Variants in TENM2 observed in about 807,000 individuals in gnomAD.
TENM2 encodes teneurin transmembrane protein 2, also known as teneurin-2.
A neutral mutation model predicts 245.2 loss-of-function variants in TENM2; 52 were observed. That is an observed-to-expected ratio of 0.21 (90% CI 0.17 to 0.27). The LOEUF is 0.27. Ranked by LOEUF, TENM2 falls within the 10% of genes least tolerant of loss-of-function variation. The probability of loss-of-function intolerance (pLI) is 1.00; values close to 1 mark genes in which losing one functional copy is unlikely to be tolerated. For missense variants in TENM2, 3,046 were observed against 3,666.8 expected (o/e 0.83, Z 4.37); for synonymous variants, 1,363 against 1,438.9 (o/e 0.95, Z 1.19).
chr5:167,910,663 A>T (rs1237213370), intron 3 of TENM2, among the ~76,000 whole-genome samples: 1 of 152,192 alleles, frequency 6.6e-6, no homozygotes, highest in Non-Finnish European at 1.5e-5. Flanking sequence ...CCTTTATACT[A>T]CAGTTTTACT....
In TENM2 at chr5:167,917,361, G is replaced by T. The variant is rs73372726; in HGVS notation, c.713-35227G>T. On this transcript the variant is annotated intron_variant, in intron 3 of 28. Transcript: ENST00000518659. ...GGATGTGGTGCTGGAGTCTCGGGGG[G>T]TTGTAGGGATTGGGCGCTCTAAACC... 2.6e-5 allele frequency among the ~76,000 whole-genome samples: 4 copies of T among 152,240 alleles called. No individual in the cohort carries two copies. The East Asian group carries it at 7.7e-4, about 29-fold the overall frequency.
intron 7 of TENM2, among the ~76,000 whole-genome samples, chr5:168,087,005 C>G (rs1792514832): frequency 6.6e-6 from 1 of 152,220 alleles, no homozygotes. Context: ...CCCCCAGTCT[C>G]CCTATCCTGG....
the TENM2 span, among the ~76,000 whole-genome samples, chr5:167,264,187 A>G: frequency 2.6e-5 from 4 of 151,588 alleles, no homozygotes; most frequent in Non-Finnish European, 4.4e-5. Context: ...TGACTTTACT[A>G]AGGAATTCTT....
intron 1 of TENM2, among the ~76,000 whole-genome samples, chr5:167,360,963 T>A (rs1158446101): frequency 6.6e-6 from 1 of 152,178 alleles, no homozygotes; most frequent in African/African-American, 2.4e-5. Context: ...TTCCTGACAG[T>A]ATATCAGTCA....
chr5:167,253,476 A>T, the TENM2 span, among the ~76,000 whole-genome samples: 2 of 152,012 alleles, frequency 1.3e-5, no homozygotes, highest in Admixed American at 6.6e-5. Context: ...TGACCTCTCA[A>T]AGTTGTCATA....
At chr5:167,350,387 A>G (rs1229089523) in intron 1 of TENM2, among the ~76,000 whole-genome samples, 2 of 148,240 alleles carry the variant, frequency 1.3e-5, no homozygotes, top group East Asian at 4.0e-4. Context: ...GAAGTGATGG[A>G]ATTATGAAAA....
chr5:167,482,383 C>CT (rs1184944398), intron 2 of TENM2, among the ~76,000 whole-genome samples: 3 of 152,134 alleles, frequency 2.0e-5, no homozygotes, highest in African/African-American at 7.2e-5. Flanking sequence ...GTGCCATAAT[C>CT]TGAGTCTCCT....
At chr5:167,728,429 C>T (rs988058488) in intron 2 of TENM2, among the ~76,000 whole-genome samples, 2 of 151,846 alleles carry the variant, frequency 1.3e-5, no homozygotes, top group Non-Finnish European at 2.9e-5. Flanking sequence ...ATTGGGAGAC[C>T]TCGTCTCTAC....
chr5:167,285,058 G>A (rs998734915), exon 1 of TENM2: 2 of 1,551,432 alleles, frequency 1.3e-6, no homozygotes, highest in African/African-American at 2.7e-5. Context: ...GAGTTTCCTA[G>A]ACAAGGTTTG....
At chr5:167,855,342 C>A (rs1446952167) in intron 2 of TENM2, among the ~76,000 whole-genome samples, 2 of 152,068 alleles carry the variant, frequency 1.3e-5, no homozygotes, top group Admixed American at 6.6e-5. Context: ...CTCTACTCTG[C>A]CATTCCCTAC....
At chr5:167,282,656 C>T (rs1235333210), upstream of TENM2, among the ~76,000 whole-genome samples, 1 of 152,032 alleles carries the variant, frequency 6.6e-6, no homozygotes, top group Non-Finnish European at 1.5e-5. Context: ...TTCAAAAGAC[C>T]AGGAATAATT....
intron 2 of TENM2, among the ~76,000 whole-genome samples, chr5:167,734,076 T>C (rs939110188): frequency 1.3e-5 from 2 of 152,206 alleles, no homozygotes; most frequent in Non-Finnish European, 2.9e-5. Flanking sequence ...ATTTCCACTA[T>C]GTGCTGATGG....
intron 1 of TENM2, among the ~76,000 whole-genome samples, chr5:167,329,026 A>G (rs1240314368): frequency 6.6e-6 from 1 of 152,320 alleles, no homozygotes; most frequent in Non-Finnish European, 1.5e-5. Context: ...AGTTGGAGAA[A>G]GGAGTTAGTA....
chr5:168,102,958 C>T (rs1793939467), intron 9 of TENM2, among the ~76,000 whole-genome samples: 1 of 152,032 alleles, frequency 6.6e-6, no homozygotes, highest in South Asian at 2.1e-4. Context: ...TATACATGTG[C>T]CATGTTGGTG....
chr5:168,209,691 T>C (rs899039473), intron 19 of TENM2, among the ~76,000 whole-genome samples: 1 of 152,208 alleles, frequency 6.6e-6, no homozygotes, highest in Non-Finnish European at 1.5e-5. Flanking sequence ...ACATGAGGGA[T>C]TGGAGTTAGT....
intron 2 of TENM2, among the ~76,000 whole-genome samples, chr5:167,569,079 T>A (rs1372349642): frequency 3.4e-5 from 2 of 58,788 alleles, no homozygotes; most frequent in African/African-American, 8.5e-5. Flanking sequence ...TTCCTACAGC[T>A]TTTTTTTTTT....
intron 2 of TENM2, among the ~76,000 whole-genome samples, chr5:167,507,772 A>T (rs2127564819): frequency 6.6e-6 from 1 of 152,362 alleles, no homozygotes; most frequent in African/African-American, 2.4e-5. Flanking sequence ...TTGCCAATAA[A>T]TAACAATTAC....
chr5:167,067,717 A>G, the TENM2 span, among the ~76,000 whole-genome samples: 1 of 152,168 alleles, frequency 6.6e-6, no homozygotes. Flanking sequence ...TGCTCTGCTC[A>G]TTCATCTCTA....
At chr5:167,197,282 A>G in the TENM2 span, among the ~76,000 whole-genome samples, 1 of 152,082 alleles carries the variant, frequency 6.6e-6, no homozygotes, top group East Asian at 1.9e-4. Context: ...TATTTCTACA[A>G]CATGGCGTGC....
Sources: gnomAD v4.1 joint callset for allele counts (sites outside exome capture counted in the v4.1 genomes callset) on GRCh38, gnomAD v4.1.1 for gene constraint, MANE v1.5 for transcripts, NCBI Gene and HGNC (gene_info 2026-07-23, HGNC 2026-07-21) for gene names.